Variants in TAX1BP1 observed in about 807,000 individuals in gnomAD.
The protein encoded by TAX1BP1 is Tax1 binding protein 1.
In TAX1BP1, 62 loss-of-function variants were observed where a neutral mutation model predicts 97.7. The observed-to-expected ratio is 0.63, with a 90% CI of 0.52 to 0.78. TAX1BP1 has a LOEUF of 0.78. TAX1BP1 is among the 30% of genes least tolerant of loss of function. The probability of loss-of-function intolerance (pLI) is 0.00; values close to 1 mark genes in which losing one functional copy is unlikely to be tolerated. For missense variants in TAX1BP1, 867 were observed against 916.1 expected, an observed-to-expected ratio of 0.95 and a Z score of 0.69; for synonymous variants, 340 against 304.2, an observed-to-expected ratio of 1.12 and a Z score of -1.23.
At position 27,769,836 on chromosome 7, in the gene TAX1BP1, T is replaced by A; in HGVS notation, c.612+2T>A. 6.2e-7 allele frequency: 1 copy of A among 1,611,542 alleles called. No individual in the cohort carries two copies. The highest frequency in any genetic ancestry group is 8.5e-7 in the Non-Finnish European group (1 of 1,178,428). On this transcript the variant is annotated splice_donor_variant, in intron 5 of 16. Transcript: ENST00000396319. LOFTEE classifies it high-confidence loss of function. ...GACCAACTGCAAGCAGAACAAAAGG[T>A]TAGTTGTGTCTTATGTAACTGATTG...
At chr7:27,783,581 C>A (rs1025457814) in intron 5 of TAX1BP1, among the ~76,000 whole-genome samples, 1 of 152,150 alleles carries the variant, frequency 6.6e-6, no homozygotes, top group African/African-American at 2.4e-5. Flanking sequence ...GCAATTAGTT[C>A]ATGATTTACA....
intron 1 of TAX1BP1, among the ~76,000 whole-genome samples, chr7:27,747,229 C>T (rs1419553450): frequency 6.6e-6 from 1 of 152,140 alleles, no homozygotes; most frequent in African/African-American, 2.4e-5. Context: ...TGTACGGAGC[C>T]TGTGACAAAC....
rs752956625 is a variant in TAX1BP1, at chr7:27,828,762, A to T, written c.2303A>T (p.Tyr768Phe). 1 of 1,613,496 alleles carries T rather than the reference A, an allele frequency of 6.2e-7. No individual in the cohort carries two copies. Among genetic ancestry groups the T allele is most frequent in the Admixed American group, 1.7e-5 (1 of 59,982 alleles). Residue 768 changes from tyrosine to phenylalanine, a missense_variant, in exon 17 of 17, where the codon TAT becomes TTT. This residue lies in a region of TAX1BP1 where 34 missense variants were observed against 33.2 expected (regional missense o/e 1.02). Coordinates refer to ENST00000396319, the MANE Select transcript of TAX1BP1 (RefSeq NM_006024.7). Reference sequence around the variant, plus strand: ...TGCAGCGAGCAGTTCCCTCCTGACTATGACCAGCAGGTGTTTGAAAGGCAT... The same window carrying T: ...TGCAGCGAGCAGTTCCCTCCTGACTTTGACCAGCAGGTGTTTGAAAGGCAT... ...PMCSEQFPPD[Y>F]DQQVFERHVQ...
At chr7:27,792,266 T>G (rs1789747262) in intron 9 of TAX1BP1, 36 bp downstream of exon 9, 1 of 1,525,622 alleles carries the variant, frequency 6.6e-7, no homozygotes, top group Non-Finnish European at 8.9e-7. Context: ...CATTTTGATT[T>G]AAGAAACCAC....
At chr7:27,814,806 G>A in intron 13 of TAX1BP1, among the ~76,000 whole-genome samples, 1 of 151,948 alleles carries the variant, frequency 6.6e-6, no homozygotes, top group Non-Finnish European at 1.5e-5. Context: ...CGCGATCTCG[G>A]CTCACTGTAA....
chr7:27,804,539 A>G (rs1220730568), intron 13 of TAX1BP1, among the ~76,000 whole-genome samples: 1 of 152,332 alleles, frequency 6.6e-6, no homozygotes, highest in East Asian at 1.9e-4. Flanking sequence ...GTCCCACAGG[A>G]CTGCTCCCAC....
intron 15 of TAX1BP1, among the ~76,000 whole-genome samples, chr7:27,819,547 C>T (rs1157748094): frequency 2.0e-5 from 3 of 152,190 alleles, no homozygotes; most frequent in Admixed American, 6.5e-5. Flanking sequence ...TGTGAGCGAT[C>T]TCCAGTGACT....
chr7:27,814,705 A>G (rs1790696327), intron 13 of TAX1BP1, among the ~76,000 whole-genome samples: 2 of 151,938 alleles, frequency 1.3e-5, no homozygotes, highest in Admixed American at 6.6e-5. Context: ...GATCTTGTAT[A>G]CTGCAACCTG....
chr7:27,820,745 T>C (rs1370581917), intron 15 of TAX1BP1, among the ~76,000 whole-genome samples: 11 of 152,182 alleles, frequency 7.2e-5, no homozygotes, highest in Admixed American at 7.2e-4. Flanking sequence ...AGAGCTAAAC[T>C]ACAAAACTCA....
intron 5 of TAX1BP1, among the ~76,000 whole-genome samples, chr7:27,782,732 GTTT>G (rs1218514473): frequency 6.6e-6 from 1 of 152,066 alleles, no homozygotes; most frequent in Non-Finnish European, 1.5e-5. Context: ...ATAAATAATT[GTTT>G]TGTCAATAAT....
intron 5 of TAX1BP1, among the ~76,000 whole-genome samples, chr7:27,783,595 A>G (rs757406407): frequency 5.3e-5 from 8 of 152,170 alleles, no homozygotes; most frequent in Non-Finnish European, 4.4e-5. Flanking sequence ...ATTTACATTC[A>G]GTTGCTAGTG....
rs536732510 is a variant in TAX1BP1, at chr7:27,745,491, A to G, written c.-7-3027A>G. Among the ~76,000 whole-genome samples the G allele has an allele frequency of 3.3e-5, 5 of 152,362 alleles. No homozygotes were observed. The South Asian group carries it at 1.0e-3, about 32-fold the overall frequency. ...ATCCATGTAAACTTTTTAAATGATT[A>G]GTAGCTATATTGTAATTTAATAAGA... On this transcript the variant is annotated intron_variant, in intron 1 of 16. Coordinates refer to ENST00000396319, the MANE Select transcript of TAX1BP1 (RefSeq NM_006024.7).
At chr7:27,802,319 A>G (rs1790170116) in intron 13 of TAX1BP1, among the ~76,000 whole-genome samples, 3 of 152,328 alleles carry the variant, frequency 2.0e-5, no homozygotes, top group Admixed American at 2.0e-4. Context: ...TCAGGTAGGA[A>G]TATTCTTAGA....
At chr7:27,810,747 T>C (rs549571162) in intron 13 of TAX1BP1, among the ~76,000 whole-genome samples, 4 of 152,302 alleles carry the variant, frequency 2.6e-5, no homozygotes, top group African/African-American at 9.6e-5. Flanking sequence ...GTGCTGGGAT[T>C]ATAGGTGTGA....
At chr7:27,828,493 TG>T in intron 16 of TAX1BP1, 134 bp from the exon 17 acceptor site, 1 of 739,422 alleles carries the variant, frequency 1.4e-6, no homozygotes, top group Non-Finnish European at 2.2e-6. Context: ...GAAATGTTTC[TG>T]GAGTAAAGAC....
chr7:27,805,035 C>G (rs1278855390), intron 13 of TAX1BP1, among the ~76,000 whole-genome samples: 2 of 152,130 alleles, frequency 1.3e-5, no homozygotes, highest in Non-Finnish European at 1.5e-5. Context: ...AGGTAAATTC[C>G]TAGAAGCGTG....
At chr7:27,791,438 T>C (rs1334678552) in intron 8 of TAX1BP1, among the ~76,000 whole-genome samples, 1 of 152,230 alleles carries the variant, frequency 6.6e-6, no homozygotes, top group African/African-American at 2.4e-5. Flanking sequence ...GCAGTATGAA[T>C]TACTTTTCAT....
intron 1 of TAX1BP1, among the ~76,000 whole-genome samples, chr7:27,740,971 C>G (rs576477304): frequency 6.6e-6 from 1 of 152,020 alleles, no homozygotes; most frequent in South Asian, 2.1e-4. Flanking sequence ...GTTTAGCGTG[C>G]GCGCGCGCGC....
intron 3 of TAX1BP1, 51 bp from the exon 4 acceptor site, chr7:27,765,783 T>A: frequency 1.3e-6 from 2 of 1,485,784 alleles, no homozygotes; most frequent in Non-Finnish European, 1.9e-6. Context: ...TGAAATAACA[T>A]GAATTTTATA....
Sources: allele counts gnomAD v4.1 joint callset (sites outside exome capture counted in the v4.1 genomes callset), GRCh38; gene constraint gnomAD v4.1.1; regional missense constraint gnomAD v4.1.1; transcripts MANE v1.5; gene names NCBI Gene and HGNC (gene_info 2026-07-23, HGNC 2026-07-21).